The following UXS1 variants were observed in gnomAD, a reference collection of about 807,000 sequenced individuals.
The protein encoded by UXS1 is UDP-glucuronate decarboxylase 1, also known as UDP-glucuronic acid decarboxylase 1.
A neutral mutation model predicts 62.6 loss-of-function variants in UXS1; 33 were observed. The observed-to-expected ratio is 0.53, with a 90% CI of 0.40 to 0.70. The LOEUF is 0.70. Among genes scored for constraint, UXS1 ranks in the 30% least tolerant of loss-of-function variants. The probability of loss-of-function intolerance (pLI) is 0.00; values close to 1 mark genes in which losing one functional copy is unlikely to be tolerated. For missense variants in UXS1, 434 were observed against 556.3 expected (o/e 0.78, Z 2.21); for synonymous variants, 213 against 206.8 (o/e 1.03, Z -0.26).
chr2:106,115,806 T>C (rs907954101), intron 9 of UXS1, among the ~76,000 whole-genome samples: 3 of 152,224 alleles, frequency 2.0e-5, no homozygotes, highest in Non-Finnish European at 4.4e-5. Flanking sequence ...CCATCATTAT[T>C]ATCTACCTCC....
intron 1 of UXS1, among the ~76,000 whole-genome samples, chr2:106,186,322 G>A (rs2105121040): frequency 6.6e-6 from 1 of 152,236 alleles, no homozygotes; most frequent in Middle Eastern, 3.4e-3. Flanking sequence ...GACACTACAT[G>A]TTCCCAACGA....
chr2:106,131,242 C>A (rs539755176), intron 6 of UXS1, among the ~76,000 whole-genome samples: 40 of 149,232 alleles, frequency 2.7e-4, no homozygotes, highest in Non-Finnish European at 1.6e-4. Context: ...CCACACCTGG[C>A]TGAGAGGGTC....
intron 4 of UXS1, among the ~76,000 whole-genome samples, chr2:106,159,779 G>A (rs1444916498): frequency 6.6e-6 from 1 of 152,142 alleles, no homozygotes; most frequent in Non-Finnish European, 1.5e-5. Context: ...GGAATATGAA[G>A]GGTCATTAGA....
intron 9 of UXS1, 25 bp downstream of exon 9, chr2:106,122,945 G>A (rs750674359): frequency 1.9e-6 from 3 of 1,611,256 alleles, no homozygotes; most frequent in South Asian, 2.2e-5. Flanking sequence ...CGCCTAAACC[G>A]CAAGCCTAGA....
rs911277991 is a variant in UXS1 at position 106,184,283 on chromosome 2, G to A, written c.94+9865C>T. On this transcript the variant is annotated intron_variant, in intron 1 of 14. Coordinates refer to ENST00000283148, the MANE Select transcript of UXS1 (RefSeq NM_001253875.2). ...ACCCTTCAGGTAATTCCTAGGACTTGTCATATTTGTAAGACAAAAAGCAAG... is the reference window on the plus strand; with the variant it reads ...ACCCTTCAGGTAATTCCTAGGACTTATCATATTTGTAAGACAAAAAGCAAG... 1.8e-4 allele frequency among the ~76,000 whole-genome samples: 28 copies of A among 152,204 alleles called. 1 individual carries two copies. The highest frequency in any genetic ancestry group is 6.8e-4 in the African/African-American group (28 of 41,450).
intron 1 of UXS1, among the ~76,000 whole-genome samples, chr2:106,183,043 A>G (rs960467632): frequency 2.0e-5 from 3 of 152,182 alleles, no homozygotes; most frequent in African/African-American, 7.2e-5. Flanking sequence ...TGATTTGGCA[A>G]TGTATGAGTT....
At chr2:106,146,311 T>G (rs1453651142) in intron 5 of UXS1, among the ~76,000 whole-genome samples, 1 of 152,232 alleles carries the variant, frequency 6.6e-6, no homozygotes, top group African/African-American at 2.4e-5. Context: ...ATTTCACCCT[T>G]CTGTTTCAAA....
chr2:106,151,705 CT>C lies in UXS1; in HGVS notation c.292-6336del, dbSNP rs1384422907. ...GGCAACAAAACATTAAAAAAATTAA[CT>C]TTTCTATGCTACTTGAGACACTTAT... On this transcript the variant is annotated intron_variant, in intron 5 of 14. Transcript: ENST00000283148. Among the ~76,000 whole-genome samples, 4 of 152,308 alleles carry C rather than the reference CT, an allele frequency of 2.6e-5. No individual in the cohort carries two copies. The East Asian group carries it at 7.7e-4, about 29-fold the overall frequency.
intron 1 of UXS1, among the ~76,000 whole-genome samples, chr2:106,177,287 C>A (rs1306642383): frequency 6.7e-6 from 1 of 150,346 alleles, no homozygotes; most frequent in African/African-American, 2.5e-5. Flanking sequence ...CCTTTGCCGC[C>A]CGGGTTCAAG....
chr2:106,177,338 G>C (rs1261683626), intron 1 of UXS1, among the ~76,000 whole-genome samples: 3 of 151,892 alleles, frequency 2.0e-5, no homozygotes, highest in Non-Finnish European at 4.4e-5. Context: ...TAGGATTACA[G>C]TTGCGTGCTA....
At chr2:106,114,603 A>G (rs1479534580) in intron 9 of UXS1, among the ~76,000 whole-genome samples, 2 of 152,234 alleles carry the variant, frequency 1.3e-5, no homozygotes, top group Non-Finnish European at 2.9e-5. Context: ...ATTTGCAGCA[A>G]ATCAAATGCT....
At chr2:106,172,730 T>A (rs968462269) in intron 1 of UXS1, among the ~76,000 whole-genome samples, 1 of 152,202 alleles carries the variant, frequency 6.6e-6, no homozygotes, top group African/African-American at 2.4e-5. Context: ...CAGGTGACTG[T>A]GACCCCTGGC....
chr2:106,187,786 G>A (rs1257664855), intron 1 of UXS1, among the ~76,000 whole-genome samples: 1 of 149,322 alleles, frequency 6.7e-6, no homozygotes, highest in African/African-American at 2.5e-5. Flanking sequence ...TTGTTGCCCA[G>A]GCTGGAGTGC....
intron 1 of UXS1, among the ~76,000 whole-genome samples, chr2:106,176,678 G>C (rs1462599829): frequency 6.6e-6 from 1 of 152,196 alleles, no homozygotes. Context: ...CAGCCTTCCA[G>C]GCCTGTGCTC....
intron 1 of UXS1, among the ~76,000 whole-genome samples, chr2:106,179,137 C>A (rs560775027): frequency 6.6e-6 from 1 of 152,292 alleles, no homozygotes; most frequent in East Asian, 1.9e-4. Flanking sequence ...GCATCAGGCA[C>A]AGGTGAGGCA....
chr2:106,165,423 C>T lies in UXS1; in HGVS notation c.123-624G>A, dbSNP rs1348515550. On this transcript the variant is annotated intron_variant, in intron 2 of 14. Coordinates refer to ENST00000283148, the MANE Select transcript of UXS1 (RefSeq NM_001253875.2). Reference sequence around the variant, plus strand: ...CACAATAGTGATTCTCACAACATAACCAAGTGGAGCAAATTTTCCTTTACA... The same window carrying T: ...CACAATAGTGATTCTCACAACATAATCAAGTGGAGCAAATTTTCCTTTACA... 1.3e-5 allele frequency among the ~76,000 whole-genome samples: 2 copies of T among 152,158 alleles called. 1 individual carries two copies. Among genetic ancestry groups the T allele is most frequent in the Admixed American group, 1.3e-4 (2 of 15,276 alleles).
chr2:106,099,985 A>G (rs1677460556), intron 12 of UXS1, among the ~76,000 whole-genome samples: 1 of 152,232 alleles, frequency 6.6e-6, no homozygotes, highest in African/African-American at 2.4e-5. Flanking sequence ...GGCTGGTTAC[A>G]AAGACATGCA....
chr2:106,131,291 T>C (rs1306104791), intron 6 of UXS1, among the ~76,000 whole-genome samples: 1 of 135,280 alleles, frequency 7.4e-6, no homozygotes, highest in African/African-American at 2.7e-5. Context: ...AGCACAGCAG[T>C]CTGAGATCAA....
chr2:106,174,982 C>T (rs1452015282), intron 1 of UXS1, among the ~76,000 whole-genome samples: 1 of 152,192 alleles, frequency 6.6e-6, no homozygotes, highest in Non-Finnish European at 1.5e-5. Context: ...CCAAACACAT[C>T]CTCTAAGCTA....
Sources: gnomAD v4.1 joint callset for allele counts (sites outside exome capture counted in the v4.1 genomes callset) on GRCh38, gnomAD v4.1.1 for gene constraint, MANE v1.5 for transcripts, NCBI Gene and HGNC (gene_info 2026-07-23, HGNC 2026-07-21) for gene names.